The following PDE2A variants were observed in gnomAD, a reference collection of about 807,000 sequenced individuals.
PDE2A encodes the protein phosphodiesterase 2A, also known as cGMP-dependent 3',5'-cyclic phosphodiesterase.
Under a neutral mutation model 133.6 loss-of-function variants are expected in PDE2A, and 53 were observed. The observed-to-expected ratio is 0.40, with a 90% CI of 0.32 to 0.50. The LOEUF (loss-of-function observed/expected upper bound fraction) is 0.50. PDE2A is among the 20% of genes least tolerant of loss of function. PDE2A has a pLI of 0.73. For missense variants in PDE2A, 796 were observed against 1,232.4 expected (o/e 0.65, Z 5.30); for synonymous variants, 491 against 490.2 (o/e 1.00, Z -0.02).
chr11:72,649,973 A>G (rs1475583611), intron 1 of PDE2A, among the ~76,000 whole-genome samples: 3 of 150,586 alleles, frequency 2.0e-5, no homozygotes, highest in Non-Finnish European at 3.0e-5. Context: ...CCCAGCCCCA[A>G]CCGCCGTCCT....
At chr11:72,661,988 T>C (rs1855078837) in intron 1 of PDE2A, among the ~76,000 whole-genome samples, 1 of 152,218 alleles carries the variant, frequency 6.6e-6, no homozygotes, top group Non-Finnish European at 1.5e-5. Context: ...TATGGTCTGC[T>C]TCCTGGTATG....
intron 6 of PDE2A, among the ~76,000 whole-genome samples, chr11:72,593,996 C>G (rs1318328084): frequency 6.6e-6 from 1 of 152,186 alleles, no homozygotes; most frequent in East Asian, 1.9e-4. Flanking sequence ...AACTCCTGAG[C>G]TCAAGGAATA....
chr11:72,647,482 G>A lies in PDE2A; in HGVS notation c.72-5156C>T, dbSNP rs190805563. On this transcript the variant is annotated intron_variant, in intron 1 of 30. Transcript: ENST00000334456. ...ACCTCTCCTGAGCAGATGGTCCTAC[G>A]CAGGCACCAGGCCCAAAGATATGGA... 3.4e-4 allele frequency among the ~76,000 whole-genome samples: 52 copies of A among 152,314 alleles called. 1 individual carries two copies. Among genetic ancestry groups the A allele is most frequent in the Admixed American group, 2.4e-3 (37 of 15,306 alleles).
intron 1 of PDE2A, among the ~76,000 whole-genome samples, chr11:72,655,440 G>A (rs1007310624): frequency 1.3e-5 from 2 of 150,668 alleles, no homozygotes; most frequent in African/African-American, 2.5e-5. Context: ...GTAGATGGAT[G>A]GTACAAGAGC....
intron 2 of PDE2A, among the ~76,000 whole-genome samples, chr11:72,620,723 C>T (rs1487708785): frequency 6.6e-6 from 1 of 152,070 alleles, no homozygotes; most frequent in African/African-American, 2.4e-5. Context: ...TTTTCTTGAG[C>T]AAATTGCATT....
chr11:72,608,599 C>G, intron 3 of PDE2A, 63 bp downstream of exon 3: 1 of 795,306 alleles, frequency 1.3e-6, no homozygotes, highest in Non-Finnish European at 2.1e-6. Flanking sequence ...TGAGGTACAG[C>G]ATAGAGCTGG....
chr11:72,614,998 C>A (rs961723931), intron 2 of PDE2A: 2 of 411,390 alleles, frequency 4.9e-6, no homozygotes, highest in South Asian at 1.7e-5. Flanking sequence ...CTACTTACCC[C>A]CTCCCGCTCC....
chr11:72,671,036 CCCA>C (rs1158582704), intron 1 of PDE2A, among the ~76,000 whole-genome samples: 1 of 152,168 alleles, frequency 6.6e-6, no homozygotes, highest in Non-Finnish European at 1.5e-5. Context: ...GCCTTTCCTA[CCCA>C]CCTTCACAAA....
intron 4 of PDE2A, among the ~76,000 whole-genome samples, chr11:72,599,520 C>A (rs1406104812): frequency 6.6e-6 from 1 of 152,160 alleles, no homozygotes; most frequent in African/African-American, 2.4e-5. Flanking sequence ...CAGTGAGTCA[C>A]CTCCCAGTTG....
At chr11:72,657,328 G>A (rs1854926831) in intron 1 of PDE2A, among the ~76,000 whole-genome samples, 1 of 152,186 alleles carries the variant, frequency 6.6e-6, no homozygotes, top group Non-Finnish European at 1.5e-5. Flanking sequence ...CAGAAGAAGT[G>A]GGAGGAGGGG....
chr11:72,658,850 C>G (rs1231636313), intron 1 of PDE2A, among the ~76,000 whole-genome samples: 2 of 151,996 alleles, frequency 1.3e-5, no homozygotes, highest in Non-Finnish European at 2.9e-5. Flanking sequence ...AGAGTCAGCA[C>G]CGAGTCTTCT....
At chr11:72,653,731 T>C (rs560255320) in intron 1 of PDE2A, among the ~76,000 whole-genome samples, 1 of 152,266 alleles carries the variant, frequency 6.6e-6, no homozygotes, top group East Asian at 1.9e-4. Context: ...CTGGCCCCAG[T>C]CCTGGGCCCC....
rs113173328 is a variant in PDE2A, at chr11:72,656,052, G to A, written c.72-13726C>T. Among the ~76,000 whole-genome samples the A allele has an allele frequency of 7.8e-3, 1,186 of 152,270 alleles. 10 individuals carry two copies. Among genetic ancestry groups the A allele is most frequent in the African/African-American group, 0.027 (1,120 of 41,560 alleles). ...CTGGTGATTAGGAGGCTCACGGCCC[G>A]GCATCCGGAGAGGAATGGGAGGGAG... On this transcript the variant is annotated intron_variant, in intron 1 of 30. Transcript: ENST00000334456.
chr11:72,630,973 C>G (rs985782055), intron 2 of PDE2A: 1 of 913,136 alleles, frequency 1.1e-6, no homozygotes, highest in Middle Eastern at 2.3e-4. Context: ...GGATGTGACT[C>G]CAGCCTCCCC....
At chr11:72,653,223 T>C (rs1854795905) in intron 1 of PDE2A, among the ~76,000 whole-genome samples, 1 of 152,022 alleles carries the variant, frequency 6.6e-6, no homozygotes, top group East Asian at 1.9e-4. Context: ...GGCTGGGCTC[T>C]CGAGGGGAAG....
intron 1 of PDE2A, among the ~76,000 whole-genome samples, chr11:72,654,347 A>T (rs1436867519): frequency 2.0e-5 from 3 of 152,202 alleles, no homozygotes. Context: ...AGGGCTGAGG[A>T]AAGTGATTTG....
At chr11:72,587,223 A>G (rs1856016447) in intron 13 of PDE2A, among the ~76,000 whole-genome samples, 1 of 152,232 alleles carries the variant, frequency 6.6e-6, no homozygotes. Context: ...AGCCTGGTAC[A>G]GAGGAAACAC....
chr11:72,638,856 C>T (rs1267661651), intron 2 of PDE2A, among the ~76,000 whole-genome samples: 1 of 152,210 alleles, frequency 6.6e-6, no homozygotes, highest in African/African-American at 2.4e-5. Flanking sequence ...GATGGCTACC[C>T]AAAGCCAGAC....
chr11:72,579,027 G>A lies in PDE2A; in HGVS notation c.2357-18C>T. ...GTAGCCCACTGTTGAGGGGAGGATG[G>A]GGTCAAGGAGCGGGGCCCAGCCTCT... On this transcript the variant is annotated intron_variant, in intron 27 of 30. Transcript: ENST00000334456. 6.4e-7 allele frequency: 1 copy of A among 1,551,894 alleles called. No individual in the cohort carries two copies.
Sources: allele counts gnomAD v4.1 joint callset (sites outside exome capture counted in the v4.1 genomes callset), GRCh38; gene constraint gnomAD v4.1.1; transcripts MANE v1.5; gene names NCBI Gene and HGNC (gene_info 2026-07-23, HGNC 2026-07-21).